Variants in BICC1 observed in about 807,000 individuals in gnomAD.
BICC1 encodes the protein protein bicaudal C homolog 1.
Under a neutral mutation model 111.0 loss-of-function variants are expected in BICC1, and 43 were observed. That is an observed-to-expected ratio of 0.39 (90% CI 0.30 to 0.50). The LOEUF (loss-of-function observed/expected upper bound fraction) is 0.50, where lower values mean the gene tolerates loss of function less well. Among genes scored for constraint, BICC1 ranks in the 20% least tolerant of loss-of-function variants. The probability of loss-of-function intolerance (pLI) is 0.88; values close to 1 mark genes in which losing one functional copy is unlikely to be tolerated. For synonymous variants in BICC1, 467 were observed against 434.4 expected (o/e 1.07, Z -0.93); for missense variants, 1,091 against 1,203.2 (o/e 0.91, Z 1.38).
At chr10:58,781,655 C>A (rs10826240) in intron 3 of BICC1, among the ~76,000 whole-genome samples, 40,855 of 151,976 alleles carry the variant, frequency 0.27, 6,296 homozygotes, top group East Asian at 0.46. Context: ...TTTGACTTTT[C>A]TCTGTCAAGT....
At chr10:58,745,235 C>T (rs925029217) in intron 3 of BICC1, among the ~76,000 whole-genome samples, 3 of 152,064 alleles carry the variant, frequency 2.0e-5, no homozygotes, top group African/African-American at 7.2e-5. Flanking sequence ...GGGGATTGGG[C>T]TCTGGAACTT....
At chr10:58,754,665 G>C (rs1842090246) in intron 3 of BICC1, among the ~76,000 whole-genome samples, 1 of 152,120 alleles carries the variant, frequency 6.6e-6, no homozygotes, top group Admixed American at 6.5e-5. Context: ...CCTTGGGGGA[G>C]CCCAGGGATG....
At chr10:58,710,069 G>A (rs373022946) in intron 3 of BICC1, among the ~76,000 whole-genome samples, 28 of 152,186 alleles carry the variant, frequency 1.8e-4, no homozygotes, top group East Asian at 1.3e-3. Flanking sequence ...CTGGGGTCAG[G>A]CACTGTGCTA....
chr10:58,604,696 C>T (rs1465587696), intron 1 of BICC1, among the ~76,000 whole-genome samples: 2 of 152,118 alleles, frequency 1.3e-5, no homozygotes, highest in African/African-American at 2.4e-5. Flanking sequence ...TCCATCTTTA[C>T]AAATCCTGAA....
intron 2 of BICC1, among the ~76,000 whole-genome samples, chr10:58,693,206 C>A (rs1839965590): frequency 6.6e-6 from 1 of 152,180 alleles, no homozygotes; most frequent in South Asian, 2.1e-4. Context: ...TTTTTTATGG[C>A]TGCATAGTAT....
intron 1 of BICC1, among the ~76,000 whole-genome samples, chr10:58,550,142 G>A (rs1230954108): frequency 6.6e-6 from 1 of 152,046 alleles, no homozygotes; most frequent in Non-Finnish European, 1.5e-5. Context: ...AGCCTTCTGA[G>A]TAGCTGGGAC....
intron 3 of BICC1, among the ~76,000 whole-genome samples, chr10:58,738,256 G>A (rs1841539167): frequency 1.3e-5 from 2 of 152,086 alleles, no homozygotes; most frequent in African/African-American, 4.8e-5. Flanking sequence ...ATCTTGAATT[G>A]ATTTTTGTAT....
rs990961426 is a variant in BICC1 at position 58,814,135 on chromosome 10, C to G, written c.2533+149C>G. ...TCCTCTGTGAAGCCTCCTTGTTTCT[C>G]CCAGTGAAGCAGGCCACCTGGTTCT... On this transcript the variant is annotated intron_variant, in intron 18 of 20. Transcript: ENST00000373886. The G allele has an allele frequency of 3.3e-6, 3 of 913,286 alleles. No individual in the cohort carries two copies. In the Admixed American group the frequency reaches 6.0e-5, roughly 18 times the overall value. The allele number at this position is 913,286 out of a possible 1,614,324, so 56.6% of individuals were successfully genotyped here.
chr10:58,540,935 C>G (rs1413797254), intron 1 of BICC1, among the ~76,000 whole-genome samples: 1 of 152,012 alleles, frequency 6.6e-6, no homozygotes, highest in East Asian at 1.9e-4. Flanking sequence ...GATATGTTAA[C>G]AGAATGAAGG....
At chr10:58,803,422 A>C (rs1185123849) in intron 15 of BICC1, among the ~76,000 whole-genome samples, 180 bp downstream of exon 15, 1 of 152,226 alleles carries the variant, frequency 6.6e-6, no homozygotes, top group Non-Finnish European at 1.5e-5. Context: ...AATGAAAAGC[A>C]GTATTTACCT....
At chr10:58,579,901 G>A (rs776648411) in intron 1 of BICC1, among the ~76,000 whole-genome samples, 3 of 151,730 alleles carry the variant, frequency 2.0e-5, no homozygotes, top group Non-Finnish European at 4.4e-5. Context: ...ATATACTCTA[G>A]CTTACTCTCA....
At chr10:58,703,260 G>T (rs1840292885) in intron 3 of BICC1, among the ~76,000 whole-genome samples, 1 of 148,740 alleles carries the variant, frequency 6.7e-6, no homozygotes, top group South Asian at 2.2e-4. Context: ...ACCCTCCCAG[G>T]CTCAAGCCAT....
chr10:58,808,074 G>GTTT (rs1843767237), intron 17 of BICC1, among the ~76,000 whole-genome samples: 2 of 125,886 alleles, frequency 1.6e-5, no homozygotes, highest in African/African-American at 8.1e-5. Flanking sequence ...CAAACATGCT[G>GTTT]CTTTTTTTTT....
At chr10:58,666,523 CTT>C (rs907309757) in intron 2 of BICC1, among the ~76,000 whole-genome samples, 2 of 152,142 alleles carry the variant, frequency 1.3e-5, no homozygotes, top group African/African-American at 4.8e-5. Context: ...CTGAATGTGA[CTT>C]TTAATTTTTG....
chr10:58,785,544 G>C (rs1829314503), intron 4 of BICC1, among the ~76,000 whole-genome samples: 1 of 151,904 alleles, frequency 6.6e-6, no homozygotes, highest in Admixed American at 6.6e-5. Flanking sequence ...TTGCTTTTGT[G>C]TGATCACGTG....
In BICC1 at chr10:58,726,132, C is replaced by T. The variant is rs1841096199; in HGVS notation, c.307+23989C>T. 3.3e-5 allele frequency among the ~76,000 whole-genome samples: 5 copies of T among 152,128 alleles called. No individual in the cohort carries two copies. The South Asian group carries it at 1.0e-3, about 31-fold the overall frequency. ...ATTCAATCATCTGACTAACTCTTCC[C>T]TTGTCATTTAAAATTGTTTGCAAGC... On this transcript the variant is annotated intron_variant, in intron 3 of 20. Coordinates refer to ENST00000373886, the MANE Select transcript of BICC1 (RefSeq NM_001080512.3).
intron 1 of BICC1, among the ~76,000 whole-genome samples, chr10:58,618,188 G>T (rs1012915497): frequency 6.6e-6 from 1 of 152,196 alleles, no homozygotes; most frequent in Non-Finnish European, 1.5e-5. Flanking sequence ...TATGTATGAG[G>T]CCTGTGTGTT....
chr10:58,664,778 A>G (rs1838956918), intron 2 of BICC1, among the ~76,000 whole-genome samples: 1 of 152,032 alleles, frequency 6.6e-6, no homozygotes. Flanking sequence ...TCTGTGGTAA[A>G]TAAAATTAAT....
intron 3 of BICC1, among the ~76,000 whole-genome samples, chr10:58,707,006 G>A (rs1840404966): frequency 6.6e-6 from 1 of 152,182 alleles, no homozygotes; most frequent in Admixed American, 6.5e-5. Flanking sequence ...CCTGCAAGTG[G>A]TCCTTGCATG....
Sources: gnomAD v4.1 joint callset for allele counts (sites outside exome capture counted in the v4.1 genomes callset) on GRCh38, gnomAD v4.1.1 for gene constraint, MANE v1.5 for transcripts, NCBI Gene and HGNC (gene_info 2026-07-23, HGNC 2026-07-21) for gene names.